Variants in CALHM1 observed in about 807,000 individuals in gnomAD.
The protein encoded by CALHM1 is calcium homeostasis modulator protein 1.
CALHM1 carries 11 observed loss-of-function variants against 14.8 expected under a neutral mutation model. The observed-to-expected ratio is 0.74, with a 90% confidence interval of 0.47 to 1.23. The LOEUF is 1.23. Among genes scored for constraint, CALHM1 ranks in the 50% most tolerant of loss-of-function variants. The pLI, the probability that CALHM1 is intolerant of heterozygous loss-of-function variation, is 0.00. For synonymous variants in CALHM1, 215 were observed against 218.9 expected, an observed-to-expected ratio of 0.98 and a Z score of 0.16; for missense variants, 458 against 496.4, an observed-to-expected ratio of 0.92 and a Z score of 0.74.
chr10:103,456,352 T>C (rs2133823609), intron 1 of CALHM1, among the ~76,000 whole-genome samples: 1 of 152,354 alleles, frequency 6.6e-6, no homozygotes, highest in South Asian at 2.1e-4. Context: ...GCTCCTAGTA[T>C]TGTCACCAGT....
Position 103,455,392 on chromosome 10 carries a change from G to T in CALHM1, c.911C>A (p.Thr304Lys), listed in dbSNP as rs1196749897. 5 of 1,613,954 alleles carry T rather than the reference G, an allele frequency of 3.1e-6. No homozygotes were observed. In the Admixed American group the frequency reaches 6.7e-5, roughly 22 times the overall value. The change falls in exon 2 of 2, where the codon ACG (threonine) becomes AAG (lysine). Residue 304 changes from threonine to lysine, a missense_variant. Physicochemically the swap from Thr to Lys is moderately conservative, Grantham distance 78. Coordinates refer to ENST00000329905, the MANE Select transcript of CALHM1 (RefSeq NM_001001412.4). The stretch of plus-strand genomic sequence containing the variant: ...AGGCGGTTTGCATTTGTGCCAGCTC[G>T]TGAGCAGCCTGTTCATGGTGCCTTG... ...TDQGTMNRLL[T>K]SWHKCKPPLR...
In CALHM1 at chr10:103,454,726, C is replaced by A. The variant is rs965893868; in HGVS notation, c.*536G>T. 2.6e-5 allele frequency: 4 copies of A among 155,870 alleles called. No individual in the cohort carries two copies. The highest frequency in any genetic ancestry group is 9.6e-5 in the African/African-American group (4 of 41,492). 9.7% of individuals were successfully genotyped at this position (155,870 alleles called of 1,614,324 possible). A position where few individuals can be genotyped will look rare whatever the true frequency, so the allele number is the denominator to read the frequency against. The stretch of plus-strand genomic sequence containing the variant: ...CGCCTGTCACCCCAGGTGTGTCACA[C>A]CAGGTAGGCTGTGTGTCATGTCCTT... On this transcript the variant is annotated 3_prime_UTR_variant, in exon 2 of 2. Coordinates refer to ENST00000329905, the MANE Select transcript of CALHM1 (RefSeq NM_001001412.4).
chr10:103,455,458 C>A lies in CALHM1; in HGVS notation c.845G>T (p.Gly282Val). The A allele has an allele frequency of 6.2e-7, 1 of 1,613,824 alleles. No individual in the cohort carries two copies. Among genetic ancestry groups the A allele is most frequent in the Non-Finnish European group, 8.5e-7 (1 of 1,179,972 alleles). ...ASAAAPTTPD[G>V]AEEEREKLRG... ...CAGCTTCTCCCTTTCCTCCTCCGCA[C>A]CATCGGGGGTCGTGGGGGCAGCTGC... The change falls in exon 2 of 2, where the codon GGT becomes GTT. Residue 282 changes from glycine (G) to valine (V), a missense_variant. Gly to Val is a moderately radical substitution (Grantham distance 109). Coordinates refer to ENST00000329905, the MANE Select transcript of CALHM1 (RefSeq NM_001001412.4).
At position 103,455,040 on chromosome 10, in the gene CALHM1, C is replaced by T. The variant is rs1266500204; in HGVS notation, c.*222G>A. On this transcript the variant is annotated 3_prime_UTR_variant, in exon 2 of 2. Coordinates refer to ENST00000329905, the MANE Select transcript of CALHM1 (RefSeq NM_001001412.4). ...TTTAGACTAATACTGCTCATGGGCC[C>T]ACTGCCCTAGGGCCATCCAGGGCAG... 1 of 648,698 alleles carries T rather than the reference C, an allele frequency of 1.5e-6. No individual in the cohort carries two copies. Among genetic ancestry groups the T allele is most frequent in the Non-Finnish European group, 2.6e-6 (1 of 387,352 alleles). The allele number at this position is 648,698 out of a possible 1,614,324, so 40.2% of individuals were successfully genotyped here.
At position 103,458,081 on chromosome 10, in the gene CALHM1, C is replaced by A; in HGVS notation, c.555+116G>T. 8.0e-7 allele frequency: 1 copy of A among 1,250,768 alleles called. No individual in the cohort carries two copies. The highest frequency in any genetic ancestry group is 1.1e-6 in the Non-Finnish European group (1 of 896,194). The allele number at this position is 1,250,768 out of a possible 1,614,324, so 77.5% of individuals were successfully genotyped here. A position where few individuals can be genotyped will look rare whatever the true frequency, so the allele number is the denominator to read the frequency against. ...GCCTCAGTTGGGAAGATGCCCCCCA[C>A]ACCTCGGAGCTCCACCTGAGCAGAG... On this transcript the variant is annotated intron_variant, in intron 1 of 1. Coordinates refer to ENST00000329905, the MANE Select transcript of CALHM1 (RefSeq NM_001001412.4). This position sits in a 1 kb window ranked among gnomAD's most constrained non-coding sequence, Gnocchi z 4.9.
Position 103,455,570 on chromosome 10 carries a change from C to T in CALHM1, c.733G>A (p.Val245Ile), listed in dbSNP as rs141859613. Residue 245 changes from valine to isoleucine, a missense_variant, in exon 2 of 2, where the codon GTC becomes ATC. Val to Ile is a conservative substitution (Grantham distance 29). Coordinates refer to ENST00000329905, the MANE Select transcript of CALHM1 (RefSeq NM_001001412.4). ...CTEHAKAFAK[V>I]CIQQFFEAMN... ...GCCTCGAAGAACTGCTGGATGCAGA[C>T]CTTGGCAAAGGCTTTGGCGTGCTCC... 129 of 1,614,044 alleles carry T rather than the reference C, an allele frequency of 8.0e-5. No individual in the cohort carries two copies. The African/African-American group carries it at 1.6e-3, about 20-fold the overall frequency.
In CALHM1 at chr10:103,458,145, A is replaced by C. The variant is rs927206114; in HGVS notation, c.555+52T>G. On this transcript the variant is annotated intron_variant, in intron 1 of 1. Transcript: ENST00000329905. This position sits in a 1 kb window ranked among gnomAD's most constrained non-coding sequence, Gnocchi z 4.9. ...AGGTAGGGGGATAGGGCCCTCCCAG[A>C]GGGACCTTGATCTGCCAGGGAGACC... is the stretch of plus-strand genomic sequence containing the variant. The C allele has an allele frequency of 3.0e-5, 48 of 1,598,472 alleles. No homozygotes were observed. In the East Asian group the frequency reaches 1.0e-3, roughly 35 times the overall value.
At chr10:103,455,883 T>C in intron 1 of CALHM1, 136 bp from the exon 2 acceptor site, 1 of 1,020,236 alleles carries the variant, frequency 9.8e-7, no homozygotes, top group Non-Finnish European at 1.4e-6. Context: ...CCTCTTGGCC[T>C]CCATTTCCTC....
At chr10:103,455,868 G>A in intron 1 of CALHM1, 121 bp from the exon 2 acceptor site, 1 of 1,238,218 alleles carries the variant, frequency 8.1e-7, no homozygotes, top group South Asian at 1.6e-5. Context: ...GGGCAAGTGA[G>A]CTTGCCTCTT....
chr10:103,453,502 TCCTC>T lies in CALHM1; in HGVS notation c.*1756_*1759del, dbSNP rs1280662759. Reference sequence around the variant, plus strand: ...GTCTCCAACTCCCAGGCTCAAGTGATCCTCCCTCCTTGGCCTCCCAAGTGCTGGG... The same window carrying T: ...GTCTCCAACTCCCAGGCTCAAGTGATCCTCCTTGGCCTCCCAAGTGCTGGG... On this transcript the variant is annotated 3_prime_UTR_variant, in exon 2 of 2. Transcript: ENST00000329905. The T allele has an allele frequency of 6.6e-6, 1 of 152,078 alleles. No homozygotes were observed. Among genetic ancestry groups the T allele is most frequent in the Non-Finnish European group, 1.5e-5 (1 of 68,042 alleles). The allele number at this position is 152,078 out of a possible 1,614,324, so 9.4% of individuals were successfully genotyped here.
rs758593423 is a variant in CALHM1 at position 103,455,340 on chromosome 10, C to T, written c.963G>A (p.Pro321=). ...PPLRLGQEEP[P]LMGNGWAGGG... The stretch of plus-strand genomic sequence containing the variant: ...CCCCAGCCCAGCCGTTGCCCATCAG[C>T]GGTGGCTCCTCCTGGCCCAGCCGCA... Residue 321 remains proline (P), a synonymous_variant, in exon 2 of 2, where the codon CCG becomes CCA. Coordinates refer to ENST00000329905, the MANE Select transcript of CALHM1 (RefSeq NM_001001412.4). 1.1e-5 allele frequency: 17 copies of T among 1,613,424 alleles called. No homozygotes were observed. Among genetic ancestry groups the T allele is most frequent in the Non-Finnish European group, 1.4e-5 (16 of 1,179,982 alleles).
rs1324294404 is a variant in CALHM1, at chr10:103,458,030, A to G, written c.555+167T>C. 1.3e-5 allele frequency among the ~76,000 whole-genome samples: 2 copies of G among 152,212 alleles called. No homozygotes were observed. The highest frequency in any genetic ancestry group is 2.9e-5 in the Non-Finnish European group (2 of 68,024). Reference sequence around the variant, plus strand: ...ACGTTCTCCGGATGGCCCTGGGCTGAGGGCAGATGCGTGGCTCTGCCTTCA... The same window carrying G: ...ACGTTCTCCGGATGGCCCTGGGCTGGGGGCAGATGCGTGGCTCTGCCTTCA... On this transcript the variant is annotated intron_variant, in intron 1 of 1. Coordinates refer to ENST00000329905, the MANE Select transcript of CALHM1 (RefSeq NM_001001412.4). This position sits in a 1 kb window ranked among gnomAD's most constrained non-coding sequence, Gnocchi z 4.9.
chr10:103,455,399 G>A lies in CALHM1; in HGVS notation c.904C>T (p.Leu302=). Residue 302 remains leucine, a synonymous_variant, in exon 2 of 2, where the codon CTG becomes TTG. Transcript: ENST00000329905. ...TTGCATTTGTGCCAGCTCGTGAGCA[G>A]CCTGTTCATGGTGCCTTGATCCGTG... ...GITDQGTMNR[L]LTSWHKCKPP... 6.2e-7 allele frequency: 1 copy of A among 1,614,048 alleles called. No individual in the cohort carries two copies. Among genetic ancestry groups the A allele is most frequent in the Non-Finnish European group, 8.5e-7 (1 of 1,180,046 alleles).
rs755681266 is a variant in CALHM1 at position 103,458,568 on chromosome 10, G to A, written c.184C>T (p.Leu62=). ...ACCAGGCCAAGCAGAAAGAGCACCA[G>A]GGGTGGCGCCAGCAGGATGCCCGCG... is the stretch of plus-strand genomic sequence containing the variant. The part of the protein sequence containing the change: ...YSAGILLAPP[L]VLFLLGLVMN... The change falls in exon 1 of 2, where the codon CTG becomes TTG. Residue 62 remains leucine (L), a synonymous_variant. Transcript: ENST00000329905. This position sits in a 1 kb window ranked among gnomAD's most constrained non-coding sequence, Gnocchi z 4.9. The A allele has an allele frequency of 3.7e-6, 6 of 1,613,808 alleles. No individual in the cohort carries two copies. The East Asian group carries it at 8.9e-5, about 24-fold the overall frequency.
Position 103,458,254 on chromosome 10 carries a change from A to T in CALHM1, c.498T>A (p.Asp166Glu). ...CCTCTCGGGCCAACAGCCAGTCGCC[A>T]TCGTAGATCTCAGGGCAGGGCACCC... ...LARVPCPEIY[D>E]GDWLLAREVA... The change falls in exon 1 of 2, where the codon GAT (aspartate) becomes GAA (glutamate). Residue 166 changes from aspartate (D) to glutamate (E), a missense_variant. Physicochemically the swap from Asp to Glu is conservative, Grantham distance 45. Transcript: ENST00000329905. The surrounding 1 kb of genome is among the most constrained non-coding windows in gnomAD (Gnocchi z 4.9). The T allele has an allele frequency of 6.2e-7, 1 of 1,613,106 alleles. No individual in the cohort carries two copies. Among genetic ancestry groups the T allele is most frequent in the Non-Finnish European group, 8.5e-7 (1 of 1,179,870 alleles).
rs10647414 is a variant in CALHM1, at chr10:103,453,417, C to CTTATTATTA, written c.*1844_*1845insTAATAATAA. 8.5e-6 allele frequency: 1 copy of CTTATTATTA among 118,036 alleles called. No individual in the cohort carries two copies. Among genetic ancestry groups the CTTATTATTA allele is most frequent in the Non-Finnish European group, 1.8e-5 (1 of 54,184 alleles). The allele number at this position is 118,036 out of a possible 1,614,324, so 7.3% of individuals were successfully genotyped here. The stretch of plus-strand genomic sequence containing the variant: ...TATAAATCTTCTCTTTATTCTTCTT[C>CTTATTATTA]TTCTTCTTATTATTATTATTACTTT... On this transcript the variant is annotated 3_prime_UTR_variant, in exon 2 of 2. Coordinates refer to ENST00000329905, the MANE Select transcript of CALHM1 (RefSeq NM_001001412.4).
rs918280104 is a variant in CALHM1, at chr10:103,455,009, G to A, written c.*253C>T. ...TCCCTGTACCTGCCATGACAGTTCC[G>A]ACCCCTTTAGACTAATACTGCTCAT... On this transcript the variant is annotated 3_prime_UTR_variant, in exon 2 of 2. Transcript: ENST00000329905. 1.0e-4 allele frequency: 56 copies of A among 553,748 alleles called. No individual in the cohort carries two copies. The highest frequency in any genetic ancestry group is 1.3e-4 in the Non-Finnish European group (43 of 318,766). The allele number at this position is 553,748 out of a possible 1,614,324, so 34.3% of individuals were successfully genotyped here.
At position 103,455,439 on chromosome 10, in the gene CALHM1, C is replaced by T. The variant is rs776179041; in HGVS notation, c.864G>A (p.Glu288=). 3 of 1,613,896 alleles carry T rather than the reference C, an allele frequency of 1.9e-6. No individual in the cohort carries two copies. Among genetic ancestry groups the T allele is most frequent in the Non-Finnish European group, 2.5e-6 (3 of 1,180,034 alleles). Residue 288 remains glutamate (E), a synonymous_variant, in exon 2 of 2, where the codon GAG becomes GAA. Transcript: ENST00000329905. ...CTTGATCCGTGATGCCACGCAGCTT[C>T]TCCCTTTCCTCCTCCGCACCATCGG... ...TTPDGAEEER[E]KLRGITDQGT... is the part of the protein sequence containing the mutation.
rs758377257 is a variant in CALHM1, at chr10:103,458,756, G to A, written c.-5C>T. 3.8e-6 allele frequency: 6 copies of A among 1,598,478 alleles called. No individual in the cohort carries two copies. The highest frequency in any genetic ancestry group is 2.3e-5 in the South Asian group (2 of 88,608). On this transcript the variant is annotated 5_prime_UTR_variant, in exon 1 of 2. Coordinates refer to ENST00000329905, the MANE Select transcript of CALHM1 (RefSeq NM_001001412.4). The surrounding 1 kb of genome is among the most constrained non-coding windows in gnomAD (Gnocchi z 4.9). ...CATCCGGAACTTGTCCATCATGCCC[G>A]CTGTGGGGCCCGGCCTCCTCTTCCC...
Sources: allele counts gnomAD v4.1 joint callset (sites outside exome capture counted in the v4.1 genomes callset), GRCh38; gene constraint gnomAD v4.1.1; non-coding constraint Gnocchi (gnomAD v3.1); transcripts MANE v1.5; gene names NCBI Gene and HGNC (gene_info 2026-07-23, HGNC 2026-07-21).